ANKRD28: variants seen among roughly 807,000 people sequenced by gnomAD.
ANKRD28 encodes the protein ankyrin repeat domain 28.
A neutral mutation model predicts 126.5 loss-of-function variants in ANKRD28; 44 were observed. The ratio of observed to expected loss-of-function variants is 0.35; its 90% CI spans 0.27 to 0.45. The LOEUF (loss-of-function observed/expected upper bound fraction) is 0.45. Ranked by LOEUF, ANKRD28 falls within the 20% of genes least tolerant of loss-of-function variation. The probability of loss-of-function intolerance (pLI) is 1.00; values close to 1 mark genes in which losing one functional copy is unlikely to be tolerated. For missense variants in ANKRD28, 1,110 were observed against 1,316.6 expected, an observed-to-expected ratio of 0.84 and a Z score of 2.43; for synonymous variants, 442 against 468.5, an observed-to-expected ratio of 0.94 and a Z score of 0.73.
chr3:15,796,270 A>T, intron 1 of ANKRD28, 135 bp downstream of exon 1: 1 of 358,330 alleles, frequency 2.8e-6, no homozygotes, highest in Non-Finnish European at 4.4e-6. Context: ...AAAATACTGC[A>T]TCATATCTAC....
chr3:15,735,297 C>A, intron 6 of ANKRD28, 113 bp downstream of exon 6: 1 of 844,944 alleles, frequency 1.2e-6, no homozygotes, highest in Non-Finnish European at 1.8e-6. Flanking sequence ...AACTCAGATA[C>A]TGTGTAGCTT....
Position 15,685,365 on chromosome 3 carries a change from C to T in ANKRD28, c.2250G>A (p.Arg750=), listed in dbSNP as rs569495254. The change falls in exon 21 of 28, where the codon CGG becomes CGA. Residue 750 remains arginine, a synonymous_variant. Transcript: ENST00000683139. ...AKCLLRDSRG[R]TPIHLSAACG... is the part of the protein sequence containing the mutation. ...AGGCAGCAGACAGGTGTATAGGCGT[C>T]CGGCCCCTGCTATCCCGAAGTAAGC... The T allele has an allele frequency of 6.2e-7, 1 of 1,614,008 alleles. No individual in the cohort carries two copies. Among genetic ancestry groups the T allele is most frequent in the African/African-American group, 1.3e-5 (1 of 75,042 alleles).
At chr3:15,809,722 T>G (rs1486336746) in intron 1 of ANKRD28, among the ~76,000 whole-genome samples, 1 of 152,204 alleles carries the variant, frequency 6.6e-6, no homozygotes, top group East Asian at 1.9e-4. Flanking sequence ...ATTTCTGTCA[T>G]TTGTAACCAA....
intron 7 of ANKRD28, among the ~76,000 whole-genome samples, chr3:15,722,876 G>C (rs1004263813): frequency 2.0e-5 from 3 of 151,830 alleles, no homozygotes; most frequent in African/African-American, 4.8e-5. Context: ...TAAAACTCTG[G>C]GAAGTTAAAT....
intron 1 of ANKRD28, among the ~76,000 whole-genome samples, chr3:15,813,352 T>A (rs972751303): frequency 2.6e-5 from 4 of 152,060 alleles, no homozygotes; most frequent in Non-Finnish European, 5.9e-5. Flanking sequence ...TGGGCAACAG[T>A]GAGACCTTGT....
At chr3:15,675,154 C>G (rs1575084752) in intron 27 of ANKRD28, among the ~76,000 whole-genome samples, 1 of 152,108 alleles carries the variant, frequency 6.6e-6, no homozygotes, top group African/African-American at 2.4e-5. Flanking sequence ...TCAGTAATCC[C>G]AGCTACCTGG....
chr3:15,719,424 G>A (rs1220978244), intron 8 of ANKRD28, among the ~76,000 whole-genome samples: 1 of 152,122 alleles, frequency 6.6e-6, no homozygotes, highest in Non-Finnish European at 1.5e-5. Flanking sequence ...CTCAAAGGAT[G>A]AATTGATAAA....
At position 15,833,146 on chromosome 3, in the gene ANKRD28, G is replaced by A. The variant is rs1236440709; in HGVS notation, c.27+26231C>T. On this transcript the variant is annotated intron_variant, in intron 1 of 27. Coordinates refer to the ANKRD28 transcript ENST00000399451. This position sits in a 1 kb window ranked among gnomAD's most constrained non-coding sequence, Gnocchi z 4.4. ...GAAGGATGCAAAGTATTGATCCAGG[G>A]TGTGTCTGTGAGGGTGCTGCCAAAG... Among the ~76,000 whole-genome samples the A allele has an allele frequency of 6.6e-6, 1 of 152,186 alleles. No individual in the cohort carries two copies.
In ANKRD28 at chr3:15,691,085, G is replaced by C. The variant is rs377158288; in HGVS notation, c.1762-865C>G. Among the ~76,000 whole-genome samples the C allele has an allele frequency of 3.3e-5, 5 of 151,176 alleles. No individual in the cohort carries two copies. In the South Asian group the frequency reaches 6.3e-4, roughly 19 times the overall value. Reference sequence around the variant, plus strand: ...CCACATACCAGGCATTGTCCTAGCTGTACAAAAGTAAGACTGAAGATTTGT... The same window carrying C: ...CCACATACCAGGCATTGTCCTAGCTCTACAAAAGTAAGACTGAAGATTTGT... On this transcript the variant is annotated intron_variant, in intron 17 of 27. Coordinates refer to ENST00000683139, the MANE Select transcript of ANKRD28 (RefSeq NM_001349278.2).
intron 1 of ANKRD28, among the ~76,000 whole-genome samples, chr3:15,796,014 C>A (rs953692663): frequency 1.3e-5 from 2 of 152,116 alleles, no homozygotes; most frequent in African/African-American, 4.8e-5. Flanking sequence ...ACATAAAATT[C>A]ATTACAGAAA....
At chr3:15,737,285 T>C in intron 4 of ANKRD28, 52 bp from the exon 5 acceptor site, 2 of 1,488,030 alleles carry the variant, frequency 1.3e-6, no homozygotes, top group Non-Finnish European at 1.8e-6. Flanking sequence ...GTTTGAGAAA[T>C]TATTTCTATA....
At chr3:15,805,551 A>G (rs1011154986) in intron 1 of ANKRD28, among the ~76,000 whole-genome samples, 1 of 152,198 alleles carries the variant, frequency 6.6e-6, no homozygotes, top group Admixed American at 6.5e-5. Context: ...TTATTTGCAA[A>G]GTTAATTATT....
At chr3:15,672,850 A>C (rs1028450334) in intron 27 of ANKRD28, among the ~76,000 whole-genome samples, 4 of 152,232 alleles carry the variant, frequency 2.6e-5, no homozygotes, top group Non-Finnish European at 5.9e-5. Context: ...ATCTCGGCTC[A>C]CTGCAACTTC....
At chr3:15,731,874 A>AGG (rs71632854) in intron 6 of ANKRD28, 21 of 59,074 alleles carry the variant, frequency 3.6e-4, no homozygotes, top group Admixed American at 5.4e-4. Context: ...AAAAAAAAAA[A>AGG]GGGGGGGGGG....
At chr3:15,728,761 T>C (rs2074369547) in intron 6 of ANKRD28, among the ~76,000 whole-genome samples, 2 of 152,228 alleles carry the variant, frequency 1.3e-5, no homozygotes, top group South Asian at 4.1e-4. Context: ...TTCTTCAGAA[T>C]GTTAGCTCTT....
chr3:15,758,424 G>T (rs749048330), intron 3 of ANKRD28, among the ~76,000 whole-genome samples: 3 of 152,128 alleles, frequency 2.0e-5, no homozygotes, highest in Non-Finnish European at 2.9e-5. Flanking sequence ...GTGGATACCA[G>T]CTATTGTGGG....
chr3:15,803,544 G>C (rs1467819126), intron 1 of ANKRD28, among the ~76,000 whole-genome samples: 1 of 151,452 alleles, frequency 6.6e-6, no homozygotes, highest in Non-Finnish European at 1.5e-5. Context: ...TTGAACCTGG[G>C]AGGTGGAGGC....
chr3:15,738,687 A>C (rs1019965040), intron 4 of ANKRD28: 2 of 152,500 alleles, frequency 1.3e-5, no homozygotes, highest in African/African-American at 2.4e-5. Context: ...AGGTTGCCTA[A>C]GGAGGGGTGA....
chr3:15,695,498 A>G (rs747121016), intron 15 of ANKRD28, among the ~76,000 whole-genome samples: 4 of 152,102 alleles, frequency 2.6e-5, no homozygotes, highest in Non-Finnish European at 5.9e-5. Flanking sequence ...TTCTTGTTTT[A>G]TATCTACGCT....
Sources: gnomAD v4.1 joint callset for allele counts (sites outside exome capture counted in the v4.1 genomes callset) on GRCh38, gnomAD v4.1.1 for gene constraint, Gnocchi (gnomAD v3.1) non-coding constraint, MANE v1.5 for transcripts, NCBI Gene and HGNC (gene_info 2026-07-23, HGNC 2026-07-21) for gene names.